Variants in UST observed in about 807,000 individuals in gnomAD.
UST encodes chondroitin sulfate 2-O-sulfotransferase.
A neutral mutation model predicts 45.6 loss-of-function variants in UST; 21 were observed. The ratio of observed to expected loss-of-function variants is 0.46; its 90% CI spans 0.33 to 0.66. The LOEUF is 0.66. Ranked by LOEUF, UST falls within the 30% of genes least tolerant of loss-of-function variation. The pLI is 0.02. For synonymous variants in UST, 215 were observed against 200.6 expected, an observed-to-expected ratio of 1.07 and a Z score of -0.61; for missense variants, 463 against 512.4, an observed-to-expected ratio of 0.90 and a Z score of 0.93.
chr6:149,069,766 C>A (rs962803354), intron 7 of UST, among the ~76,000 whole-genome samples: 14 of 152,122 alleles, frequency 9.2e-5, no homozygotes, highest in African/African-American at 3.4e-4. Flanking sequence ...AAAGAATATT[C>A]CCAAAGTTTT....
chr6:148,861,774 G>A (rs574248803), intron 1 of UST, among the ~76,000 whole-genome samples: 3 of 152,308 alleles, frequency 2.0e-5, no homozygotes, highest in Admixed American at 2.0e-4. Context: ...TCATTCAGGA[G>A]CAGGTCATTC....
intron 5 of UST, among the ~76,000 whole-genome samples, chr6:148,995,104 A>C (rs935841405): frequency 1.3e-5 from 2 of 152,100 alleles, no homozygotes; most frequent in Non-Finnish European, 2.9e-5. Flanking sequence ...GGCTCACTGC[A>C]ACCTCCGCCT....
chr6:149,035,832 G>A (rs554586548), intron 7 of UST, among the ~76,000 whole-genome samples: 59 of 152,128 alleles, frequency 3.9e-4, no homozygotes, highest in African/African-American at 1.3e-3. Flanking sequence ...ATTGACCAGT[G>A]GACCTCGCTT....
intron 2 of UST, among the ~76,000 whole-genome samples, chr6:148,900,840 C>T (rs1779240350): frequency 6.6e-6 from 1 of 152,224 alleles, no homozygotes; most frequent in African/African-American, 2.4e-5. Context: ...TGCGTTCCTT[C>T]TGGAAGCTCT....
At chr6:148,918,948 A>G (rs1779645738) in intron 2 of UST, among the ~76,000 whole-genome samples, 1 of 152,220 alleles carries the variant, frequency 6.6e-6, no homozygotes, top group African/African-American at 2.4e-5. Context: ...ATGAACATGA[A>G]TAGAGAAAAC....
At chr6:148,939,181 T>G (rs1780078017) in intron 2 of UST, among the ~76,000 whole-genome samples, 2 of 151,892 alleles carry the variant, frequency 1.3e-5, no homozygotes, top group South Asian at 4.2e-4. Context: ...CAACAAAACA[T>G]CAAAGAAACG....
chr6:148,774,076 A>G (rs904841452), intron 1 of UST, among the ~76,000 whole-genome samples: 4 of 152,218 alleles, frequency 2.6e-5, no homozygotes, highest in Non-Finnish European at 5.9e-5. Context: ...TAGTGACTAC[A>G]GCAAACCCTT....
At chr6:148,864,946 T>C (rs1383745451) in intron 1 of UST, among the ~76,000 whole-genome samples, 2 of 152,220 alleles carry the variant, frequency 1.3e-5, no homozygotes, top group Non-Finnish European at 2.9e-5. Flanking sequence ...GTGTGCATTA[T>C]TTATATAGTT....
intron 1 of UST, among the ~76,000 whole-genome samples, chr6:148,849,285 A>G (rs1426317874): frequency 6.6e-6 from 1 of 152,236 alleles, no homozygotes; most frequent in Non-Finnish European, 1.5e-5. Context: ...AGCTGAATGT[A>G]AAAATTTAAA....
chr6:148,985,869 G>C (rs1781229841), intron 5 of UST, among the ~76,000 whole-genome samples: 1 of 152,184 alleles, frequency 6.6e-6, no homozygotes, highest in Admixed American at 6.5e-5. Context: ...TCAAGATGCA[G>C]ATACCAAGAT....
chr6:148,775,864 T>C (rs911223948), intron 1 of UST, among the ~76,000 whole-genome samples: 1 of 152,148 alleles, frequency 6.6e-6, no homozygotes, highest in African/African-American at 2.4e-5. Flanking sequence ...ACTCCTGACC[T>C]CAGGAAATCT....
chr6:148,851,714 G>A (rs1378219411), intron 1 of UST, among the ~76,000 whole-genome samples: 1 of 152,156 alleles, frequency 6.6e-6, no homozygotes, highest in Non-Finnish European at 1.5e-5. Flanking sequence ...GTGAGGTGAC[G>A]GCTGGGAATA....
At chr6:148,887,259 A>G (rs1034406953) in intron 2 of UST, among the ~76,000 whole-genome samples, 4 of 152,266 alleles carry the variant, frequency 2.6e-5, no homozygotes, top group African/African-American at 9.6e-5. Flanking sequence ...CTGCCCAGGC[A>G]TTGGAGCCTG....
intron 2 of UST, among the ~76,000 whole-genome samples, chr6:148,911,586 A>T (rs1193964625): frequency 1.3e-5 from 2 of 152,134 alleles, no homozygotes; most frequent in African/African-American, 4.8e-5. Flanking sequence ...AGAATTCCAC[A>T]TCACTCTCCT....
At chr6:148,907,392 A>G (rs1478794131) in intron 2 of UST, among the ~76,000 whole-genome samples, 2 of 152,232 alleles carry the variant, frequency 1.3e-5, no homozygotes, top group African/African-American at 2.4e-5. Context: ...ATGTTACTCC[A>G]GATCTCAGGA....
chr6:148,875,670 G>A (rs1778634774), intron 1 of UST, among the ~76,000 whole-genome samples: 1 of 152,226 alleles, frequency 6.6e-6, no homozygotes, highest in South Asian at 2.1e-4. Context: ...TGGACGTGGT[G>A]GCACGCATCT....
intron 1 of UST, among the ~76,000 whole-genome samples, chr6:148,775,171 C>T (rs1776507015): frequency 6.6e-6 from 1 of 152,174 alleles, no homozygotes; most frequent in South Asian, 2.1e-4. Flanking sequence ...CCGCCCTCTA[C>T]CTGAGGTAAC....
intron 1 of UST, among the ~76,000 whole-genome samples, chr6:148,871,143 T>TCTCTCTCTCTCC (rs1345024482): frequency 8.1e-5 from 12 of 147,310 alleles, no homozygotes; most frequent in Non-Finnish European, 1.3e-4. Context: ...TCTCTCTCTC[T>TCTCTCTCTCTCC]CTCCCTCTCT....
chr6:148,793,493 C>A (rs1776891664), intron 1 of UST, among the ~76,000 whole-genome samples: 1 of 152,150 alleles, frequency 6.6e-6, no homozygotes, highest in Non-Finnish European at 1.5e-5. Context: ...TTTGGAACTT[C>A]ATATGCAGTC....
Sources: gnomAD v4.1 joint callset for allele counts (sites outside exome capture counted in the v4.1 genomes callset) on GRCh38, gnomAD v4.1.1 for gene constraint, MANE v1.5 for transcripts, NCBI Gene and HGNC (gene_info 2026-07-23, HGNC 2026-07-21) for gene names.